JAKMIP2: variants seen among roughly 807,000 people sequenced by gnomAD.
JAKMIP2 encodes janus kinase and microtubule interacting protein 2, also known as janus kinase and microtubule-interacting protein 2.
A neutral mutation model predicts 115.0 loss-of-function variants in JAKMIP2; 25 were observed. That is an observed-to-expected ratio of 0.22 (90% CI 0.16 to 0.30). JAKMIP2 has a LOEUF of 0.30. Ranked by LOEUF, JAKMIP2 falls within the 10% of genes least tolerant of loss-of-function variation. The pLI is 1.00. For synonymous variants in JAKMIP2, 334 were observed against 343.6 expected, an observed-to-expected ratio of 0.97 and a Z score of 0.31; for missense variants, 642 against 957.6, an observed-to-expected ratio of 0.67 and a Z score of 4.35.
At chr5:147,732,580 T>C (rs375384645) in intron 1 of JAKMIP2, among the ~76,000 whole-genome samples, 2 of 152,206 alleles carry the variant, frequency 1.3e-5, no homozygotes, top group Admixed American at 6.5e-5. Context: ...GCTAATTGTA[T>C]TCAGATAGTA....
intron 12 of JAKMIP2, among the ~76,000 whole-genome samples, chr5:147,633,772 C>A (rs1216594800): frequency 6.6e-6 from 1 of 151,318 alleles, no homozygotes; most frequent in African/African-American, 2.4e-5. Context: ...TCACTGCAAC[C>A]TCTGTCTCCT....
chr5:147,750,036 A>G lies in JAKMIP2; in HGVS notation c.-149+32420T>C, dbSNP rs188904275. On this transcript the variant is annotated intron_variant, in intron 1 of 21. Coordinates refer to ENST00000616793, the MANE Select transcript of JAKMIP2 (RefSeq NM_001270941.2). ...AAAACTACTTGGGATCATGACTCAT[A>G]CATGGTTAGCACTCAGCAAGTTTGC... Among the ~76,000 whole-genome samples, 273 of 152,356 alleles carry G rather than the reference A, an allele frequency of 1.8e-3. 1 individual carries two copies. The highest frequency in any genetic ancestry group is 2.9e-3 in the Non-Finnish European group (200 of 68,036).
At chr5:147,626,213 A>G (rs769799348) in intron 16 of JAKMIP2, among the ~76,000 whole-genome samples, 11 of 152,204 alleles carry the variant, frequency 7.2e-5, no homozygotes, top group Admixed American at 1.3e-4. Flanking sequence ...GTCTGCACAA[A>G]AGGCAGCTGA....
chr5:147,684,245 A>G (rs1760463042), intron 1 of JAKMIP2, among the ~76,000 whole-genome samples: 1 of 150,528 alleles, frequency 6.6e-6, no homozygotes, highest in South Asian at 2.1e-4. Flanking sequence ...AGAGTTAAAG[A>G]TAATACAATA....
chr5:147,690,542 TATATATATATATA>T (rs1561540625), intron 1 of JAKMIP2, among the ~76,000 whole-genome samples: 4 of 1,750 alleles, frequency 2.3e-3, no homozygotes, highest in African/African-American at 5.5e-3. Flanking sequence ...AAAGAGATTA[TATATATATATATA>T]TATATATATA....
chr5:147,753,541 C>A (rs992300116), intron 1 of JAKMIP2, among the ~76,000 whole-genome samples: 1 of 152,156 alleles, frequency 6.6e-6, no homozygotes. Flanking sequence ...TGCAACCACA[C>A]GATATGGTCA....
chr5:147,662,368 T>C (rs1423522303), intron 2 of JAKMIP2, among the ~76,000 whole-genome samples: 1 of 152,146 alleles, frequency 6.6e-6, no homozygotes, highest in Non-Finnish European at 1.5e-5. Context: ...TTTGATAAAA[T>C]ATTTCGAATA....
chr5:147,754,059 TCTC>T (rs1580880825), intron 1 of JAKMIP2, among the ~76,000 whole-genome samples: 2 of 152,172 alleles, frequency 1.3e-5, no homozygotes, highest in African/African-American at 4.8e-5. Flanking sequence ...ATTAAATGCT[TCTC>T]CTCCCCCTTT....
chr5:147,604,826 TATTATTATTATTATTATA>T (rs2126597397), intron 20 of JAKMIP2, among the ~76,000 whole-genome samples: 2 of 149,004 alleles, frequency 1.3e-5, no homozygotes, highest in African/African-American at 5.0e-5. Context: ...TTATTATTAT[TATTATTATTATTATTATA>T]CTTTAAGTTC....
intron 1 of JAKMIP2, among the ~76,000 whole-genome samples, chr5:147,745,406 A>G (rs1754316071): frequency 6.6e-6 from 1 of 152,198 alleles, no homozygotes; most frequent in South Asian, 2.1e-4. Context: ...TGCCAACAGT[A>G]ACAAAATCTT....
chr5:147,711,471 G>A (rs991007895), intron 1 of JAKMIP2, among the ~76,000 whole-genome samples: 19 of 152,124 alleles, frequency 1.2e-4, no homozygotes, highest in African/African-American at 4.6e-4. Flanking sequence ...AGAAAAGGAA[G>A]GCAAAGGGGG....
rs1017418565 is a variant in JAKMIP2 at position 147,628,642 on chromosome 5, G to A, written c.1995+109C>T. On this transcript the variant is annotated intron_variant, in intron 16 of 21. Coordinates refer to ENST00000616793, the MANE Select transcript of JAKMIP2 (RefSeq NM_001270941.2). The stretch of plus-strand genomic sequence containing the variant: ...CCCTTAAAAATAAAATGTGTATTAG[G>A]TATTCACACACAGTCATGTGCAGAG... The A allele has an allele frequency of 2.9e-5, 21 of 726,190 alleles. No individual in the cohort carries two copies. In the Admixed American group the frequency reaches 3.9e-4, roughly 13 times the overall value. The allele number at this position is 726,190 out of a possible 1,614,324, so 45.0% of individuals were successfully genotyped here.
intron 21 of JAKMIP2, among the ~76,000 whole-genome samples, chr5:147,592,239 T>A (rs1490965447): frequency 6.6e-6 from 1 of 152,192 alleles, no homozygotes; most frequent in Non-Finnish European, 1.5e-5. Flanking sequence ...ATCTACTGTT[T>A]CTGCAAGATG....
At chr5:147,687,034 T>C (rs1164863343) in intron 1 of JAKMIP2, among the ~76,000 whole-genome samples, 1 of 152,186 alleles carries the variant, frequency 6.6e-6, no homozygotes, top group South Asian at 2.1e-4. Context: ...AAGCAATCTT[T>C]GATATTCCAA....
At chr5:147,750,561 TACACACACACACAC>T (rs151015424) in intron 1 of JAKMIP2, among the ~76,000 whole-genome samples, 3 of 142,808 alleles carry the variant, frequency 2.1e-5, no homozygotes, top group South Asian at 2.3e-4. Context: ...TGCCAGAAAA[TACACACACACACAC>T]ACACACACAC....
intron 1 of JAKMIP2, among the ~76,000 whole-genome samples, chr5:147,778,239 G>A (rs1755635380): frequency 6.6e-6 from 1 of 152,076 alleles, no homozygotes; most frequent in Non-Finnish European, 1.5e-5. Flanking sequence ...GATATATCAA[G>A]AAGCCTAGAT....
intron 1 of JAKMIP2, among the ~76,000 whole-genome samples, chr5:147,763,174 T>A (rs1754992792): frequency 6.6e-6 from 1 of 151,678 alleles, no homozygotes; most frequent in Admixed American, 6.6e-5. Flanking sequence ...TTTGGGGGAG[T>A]AGAGGAGAAA....
At position 147,644,895 on chromosome 5, in the gene JAKMIP2, G is replaced by T. The variant is rs1261638468; in HGVS notation, c.1038C>A (p.Arg346=). 7.4e-6 allele frequency: 12 copies of T among 1,613,576 alleles called. No homozygotes were observed. The highest frequency in any genetic ancestry group is 1.0e-5 in the Non-Finnish European group (12 of 1,179,826). The change falls in exon 6 of 22, where the codon CGC becomes CGA. Residue 346 remains arginine (R), a synonymous_variant. Transcript: ENST00000616793. ...RNDELMVSLQ[R]MEEKLKAVTK... ...TAACGGCTTTTAGTTTTTCTTCCAT[G>T]CGCTGCAAGGACACCATCAGTTCAT...
intron 21 of JAKMIP2, 57 bp from the exon 22 acceptor site, chr5:147,591,743 TAAAA>T (rs1755102234): frequency 1.8e-6 from 2 of 1,097,228 alleles, no homozygotes; most frequent in Non-Finnish European, 2.7e-6. Context: ...AGCTGAATCA[TAAAA>T]AACAAACTTT....
Sources: allele counts gnomAD v4.1 joint callset (sites outside exome capture counted in the v4.1 genomes callset), GRCh38; gene constraint gnomAD v4.1.1; transcripts MANE v1.5; gene names NCBI Gene and HGNC (gene_info 2026-07-23, HGNC 2026-07-21).